Variants in PDZD2 observed in about 807,000 individuals in gnomAD.
PDZD2 encodes PDZ domain containing 2.
A neutral mutation model predicts 220.7 loss-of-function variants in PDZD2; 90 were observed. That is an observed-to-expected ratio of 0.41 (90% CI 0.34 to 0.49). The LOEUF (loss-of-function observed/expected upper bound fraction) is 0.49. Among genes scored for constraint, PDZD2 ranks in the 20% least tolerant of loss-of-function variants. PDZD2 has a pLI of 0.28. For synonymous variants in PDZD2, 1,375 were observed against 1,450.5 expected, an observed-to-expected ratio of 0.95 and a Z score of 1.18; for missense variants, 3,174 against 3,608.5, an observed-to-expected ratio of 0.88 and a Z score of 3.08.
chr5:31,640,351 G>A (rs943489195), intron 1 of PDZD2, among the ~76,000 whole-genome samples: 5 of 152,228 alleles, frequency 3.3e-5, no homozygotes, highest in Non-Finnish European at 7.4e-5. Context: ...GCATTCCAGA[G>A]CTCCAGACCT....
chr5:31,685,289 A>T (rs1395497063), intron 1 of PDZD2, among the ~76,000 whole-genome samples: 1 of 134,426 alleles, frequency 7.4e-6, no homozygotes, highest in Non-Finnish European at 1.7e-5. Context: ...AATTTGAAGT[A>T]AAAAAAAAAT....
intron 2 of PDZD2, among the ~76,000 whole-genome samples, chr5:31,930,854 G>A (rs1745219334): frequency 6.6e-6 from 1 of 152,154 alleles, no homozygotes; most frequent in South Asian, 2.1e-4. Flanking sequence ...TGGATCACTT[G>A]AGGTCAGGAG....
intron 2 of PDZD2, among the ~76,000 whole-genome samples, chr5:31,919,666 T>G (rs1158637883): frequency 6.6e-6 from 1 of 150,604 alleles, no homozygotes; most frequent in Non-Finnish European, 1.5e-5. Context: ...TAAGACTTAA[T>G]TTTTTTAGAG....
At chr5:31,894,886 TTTCCC>T (rs201319992) in intron 2 of PDZD2, among the ~76,000 whole-genome samples, 7 of 152,118 alleles carry the variant, frequency 4.6e-5, no homozygotes, top group Admixed American at 2.6e-4. Flanking sequence ...CTCCTTTCCC[TTTCCC>T]TTCCCTTCCC....
intron 3 of PDZD2, among the ~76,000 whole-genome samples, chr5:31,993,596 G>A (rs1751404310): frequency 6.6e-6 from 1 of 152,178 alleles, no homozygotes; most frequent in South Asian, 2.1e-4. Flanking sequence ...CTATTTCTAG[G>A]GGGATGGTGG....
chr5:31,766,716 T>C (rs1461623700), intron 1 of PDZD2, among the ~76,000 whole-genome samples: 1 of 148,674 alleles, frequency 6.7e-6, no homozygotes, highest in East Asian at 1.9e-4. Flanking sequence ...AAGTTCTTTT[T>C]TAAACCTTAA....
intron 1 of PDZD2, among the ~76,000 whole-genome samples, chr5:31,659,007 G>A (rs146077203): frequency 2.4e-4 from 37 of 152,142 alleles, no homozygotes; most frequent in Admixed American, 2.2e-3. Flanking sequence ...TGCCCTCGCC[G>A]TGTTCACCCG....
At chr5:31,697,029 A>G (rs534370846) in intron 1 of PDZD2, among the ~76,000 whole-genome samples, 1 of 152,234 alleles carries the variant, frequency 6.6e-6, no homozygotes, top group African/African-American at 2.4e-5. Context: ...AATTGTGCTC[A>G]TAGGGGCATA....
chr5:31,883,954 T>C (rs1740184142), intron 2 of PDZD2, among the ~76,000 whole-genome samples: 2 of 152,154 alleles, frequency 1.3e-5, no homozygotes. Context: ...GGCTCCCGCA[T>C]GTTATCCCAG....
intron 6 of PDZD2, among the ~76,000 whole-genome samples, chr5:32,021,626 C>A (rs546356744): frequency 2.6e-5 from 4 of 152,128 alleles, no homozygotes; most frequent in Non-Finnish European, 2.9e-5. Flanking sequence ...AACTCCTCCA[C>A]GCCTTCAGTA....
chr5:31,686,489 A>G (rs1181769933), intron 1 of PDZD2, among the ~76,000 whole-genome samples: 2 of 151,666 alleles, frequency 1.3e-5, no homozygotes, highest in Admixed American at 6.6e-5. Context: ...ACAGCCTTCC[A>G]GGTAGCTGGG....
chr5:32,105,402 G>A (rs1378090942), intron 24 of PDZD2, among the ~76,000 whole-genome samples: 1 of 152,146 alleles, frequency 6.6e-6, no homozygotes, highest in Non-Finnish European at 1.5e-5. Context: ...GCAAGGATGT[G>A]GAGAAAGGAA....
rs781378331 is a variant in PDZD2, at chr5:31,995,699, G to C, written c.1102G>C (p.Glu368Gln). ...CGCTATCGTTGTCACTCAAGTGAAG[G>C]AAGGAGGTGCCGCTCACAGGTGACT... The part of the protein sequence containing the change: ...PHAIVVTQVK[E>Q]GGAAHRDGRL... The change falls in exon 4 of 25, where the codon GAA becomes CAA. Residue 368 changes from glutamate (E) to glutamine (Q), a missense_variant. This residue lies in a region of PDZD2 where 632 missense variants were observed against 708.1 expected (regional missense o/e 0.89). Coordinates refer to ENST00000438447, the MANE Select transcript of PDZD2 (RefSeq NM_178140.4). 6.2e-7 allele frequency: 1 copy of C among 1,613,922 alleles called. No homozygotes were observed. The highest frequency in any genetic ancestry group is 8.5e-7 in the Non-Finnish European group (1 of 1,180,018).
intron 2 of PDZD2, chr5:31,936,328 T>C (rs1745723768): frequency 1.0e-6 from 1 of 987,516 alleles, no homozygotes; most frequent in Admixed American, 6.1e-5. Context: ...CACGCTCACC[T>C]GACCAGCTCA....
chr5:32,006,907 C>CTTTTTTTTT (rs1173189592), intron 5 of PDZD2, among the ~76,000 whole-genome samples: 4 of 47,852 alleles, frequency 8.4e-5, no homozygotes, highest in Non-Finnish European at 1.3e-4. Context: ...CCATGCTGGT[C>CTTTTTTTTT]TTTTTTTTTT....
intron 2 of PDZD2, among the ~76,000 whole-genome samples, chr5:31,815,849 CA>C (rs1755416133): frequency 6.6e-6 from 1 of 151,978 alleles, no homozygotes; most frequent in Non-Finnish European, 1.5e-5. Flanking sequence ...GGTAAGGTTA[CA>C]AAAATAGGCC....
At chr5:31,790,219 T>C (rs896518087) in intron 1 of PDZD2, among the ~76,000 whole-genome samples, 3 of 152,124 alleles carry the variant, frequency 2.0e-5, no homozygotes, top group African/African-American at 7.2e-5. Context: ...TGCCTCAGCC[T>C]CCCGAGTAGC....
intron 1 of PDZD2, among the ~76,000 whole-genome samples, chr5:31,696,660 G>A (rs1383224289): frequency 2.4e-4 from 36 of 152,178 alleles, no homozygotes; most frequent in Non-Finnish European, 1.3e-4. Flanking sequence ...GCTTCGGCAA[G>A]TTGCAATGGT....
chr5:31,700,973 GAC>G (rs1216780386), intron 1 of PDZD2, among the ~76,000 whole-genome samples: 3 of 152,176 alleles, frequency 2.0e-5, no homozygotes, highest in Non-Finnish European at 4.4e-5. Context: ...CTGTCCGTAG[GAC>G]ACAGTCATCA....
Sources: allele counts gnomAD v4.1 joint callset (sites outside exome capture counted in the v4.1 genomes callset), GRCh38; gene constraint gnomAD v4.1.1; regional missense constraint gnomAD v4.1.1; transcripts MANE v1.5; gene names NCBI Gene and HGNC (gene_info 2026-07-23, HGNC 2026-07-21).